Variants in DPYD observed in about 807,000 individuals in gnomAD.
DPYD encodes the protein dihydropyrimidine dehydrogenase [NADP(+)].
A neutral mutation model predicts 116.2 loss-of-function variants in DPYD; 109 were observed. That is an observed-to-expected ratio of 0.94 (90% CI 0.80 to 1.10). The LOEUF is 1.10. DPYD is among the 50% of genes least tolerant of loss of function. The pLI is 0.00. For missense variants in DPYD, 1,302 were observed against 1,254.5 expected (o/e 1.04, Z -0.57); for synonymous variants, 440 against 432.0 (o/e 1.02, Z -0.23).
chr1:97,206,133 C>T (rs543771840), intron 19 of DPYD, among the ~76,000 whole-genome samples: 1 of 151,834 alleles, frequency 6.6e-6, no homozygotes, highest in Admixed American at 6.6e-5. Context: ...TCCATGTCTT[C>T]TCCAGACACT....
chr1:97,272,658 G>A (rs1464139470), intron 18 of DPYD, among the ~76,000 whole-genome samples: 1 of 152,066 alleles, frequency 6.6e-6, no homozygotes, highest in Non-Finnish European at 1.5e-5. Flanking sequence ...CATCTTGGCT[G>A]TTTAAAAAGG....
chr1:97,822,683 G>A (rs938827285), intron 3 of DPYD, among the ~76,000 whole-genome samples: 2 of 152,076 alleles, frequency 1.3e-5, no homozygotes, highest in Non-Finnish European at 2.9e-5. Context: ...AATCCTCTGA[G>A]AATGTGAGAA....
intron 4 of DPYD, among the ~76,000 whole-genome samples, chr1:97,722,441 C>A (rs557945356): frequency 6.6e-6 from 1 of 151,522 alleles, no homozygotes; most frequent in African/African-American, 2.4e-5. Flanking sequence ...TTAACTGCAA[C>A]AAATGTACCA....
At chr1:97,842,720 G>T (rs1670096834) in intron 2 of DPYD, among the ~76,000 whole-genome samples, 1 of 151,962 alleles carries the variant, frequency 6.6e-6, no homozygotes, top group African/African-American at 2.4e-5. Flanking sequence ...CATTAAACTG[G>T]AAGGGGCTTT....
At chr1:97,682,979 TTTC>T (rs1660506867) in intron 7 of DPYD, among the ~76,000 whole-genome samples, 1 of 152,074 alleles carries the variant, frequency 6.6e-6, no homozygotes, top group Non-Finnish European at 1.5e-5. Context: ...TGATGAAAAC[TTTC>T]TTTATATACT....
chr1:97,258,956 T>C (rs1219979213), intron 18 of DPYD, among the ~76,000 whole-genome samples: 1 of 152,156 alleles, frequency 6.6e-6, no homozygotes, highest in African/African-American at 2.4e-5. Context: ...ACCTTGTGAC[T>C]AATTAGAAAT....
intron 18 of DPYD, among the ~76,000 whole-genome samples, chr1:97,238,874 G>A (rs185480011): frequency 5.6e-4 from 85 of 152,288 alleles, no homozygotes; most frequent in Non-Finnish European, 9.3e-4. Context: ...GTGGCCAGAT[G>A]AACCTAATGG....
chr1:97,411,957 C>T (rs1357637326), intron 14 of DPYD, among the ~76,000 whole-genome samples: 3 of 152,114 alleles, frequency 2.0e-5, no homozygotes, highest in Admixed American at 2.0e-4. Flanking sequence ...GCAATGTGAT[C>T]TAATTAAAAT....
intron 14 of DPYD, among the ~76,000 whole-genome samples, chr1:97,386,476 G>A (rs1322364795): frequency 6.6e-6 from 1 of 151,970 alleles, no homozygotes. Flanking sequence ...TTTTAAGGCT[G>A]GGTGCCTCAC....
intron 14 of DPYD, among the ~76,000 whole-genome samples, chr1:97,440,222 C>T (rs1306997153): frequency 6.6e-6 from 1 of 151,224 alleles, no homozygotes. Context: ...CAATATCACA[C>T]CATTGCACTC....
chr1:97,709,918 T>C (rs1474499345), intron 5 of DPYD, among the ~76,000 whole-genome samples: 1 of 151,746 alleles, frequency 6.6e-6, no homozygotes, highest in Non-Finnish European at 1.5e-5. Flanking sequence ...AGCAAATATA[T>C]ACCATAGGGA....
chr1:97,909,547 T>C (rs1391206659), intron 1 of DPYD, among the ~76,000 whole-genome samples: 1 of 152,072 alleles, frequency 6.6e-6, no homozygotes, highest in Non-Finnish European at 1.5e-5. Context: ...ATTAGGCTTC[T>C]TTCCCCAATG....
intron 14 of DPYD, among the ~76,000 whole-genome samples, chr1:97,424,258 G>A (rs752355788): frequency 2.0e-5 from 3 of 152,052 alleles, no homozygotes; most frequent in Non-Finnish European, 4.4e-5. Flanking sequence ...TGGGTGTTTC[G>A]TGGTTACATG....
intron 18 of DPYD, among the ~76,000 whole-genome samples, chr1:97,244,158 C>T (rs1160549800): frequency 1.3e-5 from 2 of 151,994 alleles, no homozygotes; most frequent in Non-Finnish European, 2.9e-5. Context: ...CCACCACAAG[C>T]TACACTTATT....
At chr1:97,668,959 A>C (rs967178392) in intron 8 of DPYD, among the ~76,000 whole-genome samples, 1 of 152,146 alleles carries the variant, frequency 6.6e-6, no homozygotes, top group Non-Finnish European at 1.5e-5. Flanking sequence ...ATAATCTTTG[A>C]CTGATTAACC....
At chr1:97,710,185 G>A (rs1662205058) in intron 5 of DPYD, among the ~76,000 whole-genome samples, 1 of 151,772 alleles carries the variant, frequency 6.6e-6, no homozygotes, top group Non-Finnish European at 1.5e-5. Context: ...AGTTTCTTGA[G>A]TTACTTAATT....
At chr1:97,140,188 G>A (rs1424605186) in intron 20 of DPYD, among the ~76,000 whole-genome samples, 3 of 152,090 alleles carry the variant, frequency 2.0e-5, no homozygotes, top group Non-Finnish European at 2.9e-5. Flanking sequence ...GGAGGCTGGT[G>A]TCTGACTACT....
In DPYD at chr1:97,305,114, G is replaced by T. The variant is rs145463327; in HGVS notation, c.2299+145C>A. 3.4e-6 allele frequency: 4 copies of T among 1,192,416 alleles called. No individual in the cohort carries two copies. The East Asian group carries it at 9.8e-5, about 29-fold the overall frequency. 73.9% of individuals were successfully genotyped at this position (1,192,416 alleles called of 1,614,324 possible). A position where few individuals can be genotyped will look rare whatever the true frequency, so the allele number is the denominator to read the frequency against. On this transcript the variant is annotated intron_variant, in intron 18 of 22. Transcript: ENST00000370192. ...TCACTTGAGCTTTCATATTCAATCC[G>T]TTCTGTCATAACTATTAGGAATATT...
In DPYD at chr1:97,109,824, AAG is replaced by A. The variant is rs1431248899; in HGVS notation, c.2623-11194_2623-11193del. On this transcript the variant is annotated intron_variant, in intron 20 of 22. Coordinates refer to ENST00000370192, the MANE Select transcript of DPYD (RefSeq NM_000110.4). The stretch of plus-strand genomic sequence containing the variant: ...TGCTAAGCAGCAGATTTATATTGGA[AAG>A]AAAATAAAAGGAAGTATAAGTTTTT... Among the ~76,000 whole-genome samples the A allele has an allele frequency of 2.0e-5, 3 of 151,232 alleles. No homozygotes were observed. The Admixed American group carries it at 2.0e-4, about 10-fold the overall frequency.
Sources: gnomAD v4.1 joint callset for allele counts (sites outside exome capture counted in the v4.1 genomes callset) on GRCh38, gnomAD v4.1.1 for gene constraint, MANE v1.5 for transcripts, NCBI Gene and HGNC (gene_info 2026-07-23, HGNC 2026-07-21) for gene names.